The following CWF19L2 variants were observed in gnomAD, a reference collection of about 807,000 sequenced individuals.
The protein encoded by CWF19L2 is CWF19 like cell cycle control factor 2, also known as CWF19-like protein 2.
In CWF19L2, 98 loss-of-function variants were observed where a neutral mutation model predicts 111.7. That is an observed-to-expected ratio of 0.88 (90% CI 0.75 to 1.04). CWF19L2 has a LOEUF of 1.04. Ranked by LOEUF, CWF19L2 falls within the 50% of genes least tolerant of loss-of-function variation. The pLI, the probability that CWF19L2 is intolerant of heterozygous loss-of-function variation, is 0.00. For synonymous variants in CWF19L2, 351 were observed against 342.9 expected, an observed-to-expected ratio of 1.02 and a Z score of -0.26; for missense variants, 1,101 against 1,051.4, an observed-to-expected ratio of 1.05 and a Z score of -0.65.
intron 8 of CWF19L2, among the ~76,000 whole-genome samples, chr11:107,426,605 T>C (rs924950188): frequency 2.6e-5 from 4 of 151,782 alleles, no homozygotes; most frequent in Admixed American, 1.3e-4. Context: ...AGGTTATGCC[T>C]AAGTTTTACA....
chr11:107,396,480 C>A (rs1244468732), intron 10 of CWF19L2, among the ~76,000 whole-genome samples: 1 of 152,144 alleles, frequency 6.6e-6, no homozygotes, highest in Non-Finnish European at 1.5e-5. Context: ...ATCATGGATT[C>A]TTATTTTAAA....
intron 12 of CWF19L2, among the ~76,000 whole-genome samples, chr11:107,359,410 C>A (rs1860288756): frequency 6.6e-6 from 1 of 152,136 alleles, no homozygotes; most frequent in Non-Finnish European, 1.5e-5. Context: ...GTGACTATCC[C>A]TTGTAGGGCT....
chr11:107,365,195 GA>G (rs1377034644), intron 12 of CWF19L2, among the ~76,000 whole-genome samples: 2 of 149,530 alleles, frequency 1.3e-5, no homozygotes, highest in African/African-American at 5.0e-5. Flanking sequence ...GCTTACCAAT[GA>G]AAAAGAGTCC....
chr11:107,380,046 CAAAAAAAAAAAAAAAA>C (rs66699460), intron 12 of CWF19L2, among the ~76,000 whole-genome samples: 1 of 34,490 alleles, frequency 2.9e-5, no homozygotes, highest in Non-Finnish European at 5.1e-5. Flanking sequence ...GACACCGTCT[CAAAAAAAAAAAAAAAA>C]AAAAAAAAAA....
At chr11:107,360,818 C>T (rs528994163) in intron 12 of CWF19L2, among the ~76,000 whole-genome samples, 1 of 152,308 alleles carries the variant, frequency 6.6e-6, no homozygotes, top group African/African-American at 2.4e-5. Context: ...TCCTTGCCCA[C>T]TTTTTAGTGG....
chr11:107,407,132 T>A (rs1182461037), intron 10 of CWF19L2, among the ~76,000 whole-genome samples: 3 of 152,134 alleles, frequency 2.0e-5, no homozygotes, highest in African/African-American at 7.2e-5. Context: ...AACTGTCTAC[T>A]ATAATTATTC....
intron 8 of CWF19L2, among the ~76,000 whole-genome samples, chr11:107,419,988 A>G (rs1266376997): frequency 1.3e-5 from 2 of 152,076 alleles, no homozygotes; most frequent in Admixed American, 6.6e-5. Flanking sequence ...ATAGACTATG[A>G]TAAGTTAAAG....
intron 12 of CWF19L2, among the ~76,000 whole-genome samples, chr11:107,361,989 G>C (rs887811955): frequency 5.9e-5 from 9 of 152,228 alleles, no homozygotes; most frequent in South Asian, 2.1e-4. Context: ...AGCCGAAGCA[G>C]GGCGAGGCAT....
intron 10 of CWF19L2, among the ~76,000 whole-genome samples, chr11:107,397,562 C>T (rs1049255637): frequency 3.3e-5 from 5 of 151,816 alleles, no homozygotes; most frequent in African/African-American, 7.3e-5. Context: ...CCCGCCCCCA[C>T]CTGATGATCC....
At chr11:107,388,389 T>C (rs912426204) in intron 12 of CWF19L2, among the ~76,000 whole-genome samples, 1 of 136,734 alleles carries the variant, frequency 7.3e-6, no homozygotes, top group Non-Finnish European at 1.6e-5. Context: ...GGCTATACAA[T>C]TTTTTTTTTT....
chr11:107,387,466 AC>A lies in CWF19L2; in HGVS notation c.1872+2607del, dbSNP rs1220031425. On this transcript the variant is annotated intron_variant, in intron 12 of 17. Coordinates refer to ENST00000282251, the MANE Select transcript of CWF19L2 (RefSeq NM_152434.3). ...TAAAAACAAAACAAAACAAAACAAA[AC>A]AAAAAACAAAAAAAACCTTCAAATG... is the stretch of plus-strand genomic sequence containing the variant. Among the ~76,000 whole-genome samples the A allele has an allele frequency of 7.5e-4, 62 of 82,820 alleles. No homozygotes were observed. The East Asian group carries it at 0.011, about 15-fold the overall frequency. 54.3% of individuals were successfully genotyped at this position (82,820 alleles called of 152,430 possible).
chr11:107,393,319 C>T (rs2053094636), intron 10 of CWF19L2, among the ~76,000 whole-genome samples: 1 of 152,026 alleles, frequency 6.6e-6, no homozygotes, highest in African/African-American at 2.4e-5. Context: ...TGATACTACC[C>T]GTAACTTCTA....
chr11:107,364,336 A>G (rs1860405116), intron 12 of CWF19L2, among the ~76,000 whole-genome samples: 1 of 147,702 alleles, frequency 6.8e-6, no homozygotes, highest in African/African-American at 2.6e-5. Flanking sequence ...ATATACATCT[A>G]CAGAACTCTC....
chr11:107,390,128 T>C lies in CWF19L2; in HGVS notation c.1818A>G (p.Glu606=). ...NLSLNDLVKN[E]KMGTAENQNK... Reference sequence around the variant, plus strand: ...TTTGATTTTCTGCTGTTCCCATCTTTTCATTTTTGACTAAATCATTTAGGC... The same window carrying C: ...TTTGATTTTCTGCTGTTCCCATCTTCTCATTTTTGACTAAATCATTTAGGC... Residue 606 remains glutamate, a synonymous_variant, in exon 12 of 18, where the codon GAA becomes GAG. Transcript: ENST00000282251. 1 of 1,612,996 alleles carries C rather than the reference T, an allele frequency of 6.2e-7. No individual in the cohort carries two copies. Among genetic ancestry groups the C allele is most frequent in the South Asian group, 1.1e-5 (1 of 91,000 alleles).
chr11:107,392,921 T>A, intron 10 of CWF19L2, 26 bp from the exon 11 acceptor site: 1 of 1,309,118 alleles, frequency 7.6e-7, no homozygotes, highest in Non-Finnish European at 1.1e-6. Flanking sequence ...GAGATAACTA[T>A]TGAAATTATT....
At chr11:107,344,259 T>A (rs1860046650) in intron 14 of CWF19L2, among the ~76,000 whole-genome samples, 1 of 152,212 alleles carries the variant, frequency 6.6e-6, no homozygotes, top group African/African-American at 2.4e-5. Flanking sequence ...AGTGGCTGCA[T>A]CATTTCAGTC....
At chr11:107,361,051 C>T (rs1860324412) in intron 12 of CWF19L2, among the ~76,000 whole-genome samples, 1 of 152,136 alleles carries the variant, frequency 6.6e-6, no homozygotes, top group Non-Finnish European at 1.5e-5. Context: ...AGAGTTTCCC[C>T]TAGGTTTTCT....
At chr11:107,385,243 C>T (rs1270052583) in intron 12 of CWF19L2, among the ~76,000 whole-genome samples, 1 of 151,926 alleles carries the variant, frequency 6.6e-6, no homozygotes, top group African/African-American at 2.4e-5. Context: ...GCAACCTGTA[C>T]TTCCATTGGC....
At chr11:107,378,109 A>C (rs1860622086) in intron 12 of CWF19L2, among the ~76,000 whole-genome samples, 3 of 150,412 alleles carry the variant, frequency 2.0e-5, no homozygotes, top group African/African-American at 2.5e-5. Flanking sequence ...TTAAAAAGTC[A>C]GGAAACAACA....
Sources: allele counts gnomAD v4.1 joint callset (sites outside exome capture counted in the v4.1 genomes callset), GRCh38; gene constraint gnomAD v4.1.1; transcripts MANE v1.5; gene names NCBI Gene and HGNC (gene_info 2026-07-23, HGNC 2026-07-21).